Variants in CA10 observed in about 807,000 individuals in gnomAD.
CA10 encodes the protein carbonic anhydrase 10 (inactive).
Under a neutral mutation model 44.2 loss-of-function variants are expected in CA10, and 14 were observed. That is an observed-to-expected ratio of 0.32 (90% CI 0.21 to 0.50). CA10 has a LOEUF of 0.50. Among genes scored for constraint, CA10 ranks in the 20% least tolerant of loss-of-function variants. The pLI is 0.99. For synonymous variants in CA10, 159 were observed against 141.6 expected (o/e 1.12, Z -0.87); for missense variants, 350 against 409.7 (o/e 0.85, Z 1.26).
chr17:51,850,738 C>T (rs1294137814), intron 3 of CA10, among the ~76,000 whole-genome samples: 3 of 152,154 alleles, frequency 2.0e-5, no homozygotes, highest in Admixed American at 6.5e-5. Context: ...AGAACAGCGC[C>T]CAACACTTAG....
At chr17:51,644,806 T>C (rs1351177394) in intron 6 of CA10, among the ~76,000 whole-genome samples, 1 of 150,870 alleles carries the variant, frequency 6.6e-6, no homozygotes, top group East Asian at 1.9e-4. Context: ...TTGGCTTTTT[T>C]TTTTTTTTTT....
intron 3 of CA10, among the ~76,000 whole-genome samples, chr17:51,866,394 C>T (rs1598089375): frequency 6.6e-6 from 1 of 152,220 alleles, no homozygotes; most frequent in African/African-American, 2.4e-5. Context: ...CACTTTGTGG[C>T]TATTTTTCTT....
intron 2 of CA10, among the ~76,000 whole-genome samples, chr17:52,067,687 A>T (rs1987572985): frequency 1.3e-5 from 2 of 152,212 alleles, no homozygotes; most frequent in Admixed American, 1.3e-4. Context: ...GTACCTTGCA[A>T]AGCCACAGGG....
chr17:52,092,125 T>G (rs190667293), intron 1 of CA10, among the ~76,000 whole-genome samples: 155 of 152,298 alleles, frequency 1.0e-3, no homozygotes, highest in Non-Finnish European at 1.7e-3. Flanking sequence ...CTCCTTTGTC[T>G]GTTTCTCCCT....
intron 2 of CA10, among the ~76,000 whole-genome samples, chr17:51,994,525 G>A (rs1169236420): frequency 1.3e-5 from 2 of 152,022 alleles, no homozygotes; most frequent in African/African-American, 4.8e-5. Context: ...CTGTCTTTAG[G>A]AGAGGTAGGC....
intron 4 of CA10, among the ~76,000 whole-genome samples, chr17:51,737,275 G>C (rs1526187): frequency 0.21 from 32,359 of 152,018 alleles, 3,537 homozygotes; most frequent in East Asian, 0.35. Flanking sequence ...TTATTGTGAG[G>C]ACTGGGTGTG....
rs1915226430 is a variant in CA10, at chr17:51,692,337, TCTATCTACCTAC to T, written c.466-38613_466-38602del. On this transcript the variant is annotated intron_variant, in intron 4 of 8. Coordinates refer to ENST00000451037, the MANE Select transcript of CA10 (RefSeq NM_020178.5). ...CATATAGTAATGCTACAGTTTGTTT[TCTATCTACCTAC>T]CTATCTACCTATCCATCCTATCTAT... is the stretch of plus-strand genomic sequence containing the variant. Among the ~76,000 whole-genome samples, 6 of 151,084 alleles carry T rather than the reference TCTATCTACCTAC, an allele frequency of 4.0e-5. No homozygotes were observed. The South Asian group carries it at 1.3e-3, about 32-fold the overall frequency.
intron 1 of CA10, among the ~76,000 whole-genome samples, chr17:52,075,638 C>T (rs1019299576): frequency 4.6e-5 from 7 of 152,024 alleles, no homozygotes; most frequent in South Asian, 2.1e-4. Flanking sequence ...CATCTCTGTC[C>T]CCCTTTAGTT....
chr17:51,716,800 A>G (rs1377199906), intron 4 of CA10, among the ~76,000 whole-genome samples: 2 of 152,208 alleles, frequency 1.3e-5, no homozygotes, highest in African/African-American at 2.4e-5. Flanking sequence ...CTTAAGACCT[A>G]TTACTGAACA....
chr17:52,029,375 C>T (rs1218044041), intron 2 of CA10, among the ~76,000 whole-genome samples: 2 of 152,170 alleles, frequency 1.3e-5, no homozygotes, highest in African/African-American at 4.8e-5. Context: ...CTTTTGAGTG[C>T]TCTTCCTGAT....
At chr17:51,793,220 A>G (rs1006466140) in intron 3 of CA10, among the ~76,000 whole-genome samples, 2 of 152,212 alleles carry the variant, frequency 1.3e-5, no homozygotes, top group African/African-American at 4.8e-5. Context: ...AATGGGGAGA[A>G]TGCTGGGCTA....
intron 2 of CA10, among the ~76,000 whole-genome samples, chr17:52,022,521 C>A (rs1234898489): frequency 6.6e-6 from 1 of 151,834 alleles, no homozygotes; most frequent in Admixed American, 6.6e-5. Flanking sequence ...AAAGCTAGAA[C>A]AATTCCCCTA....
At chr17:52,017,070 T>C (rs1245610240) in intron 2 of CA10, among the ~76,000 whole-genome samples, 1 of 152,158 alleles carries the variant, frequency 6.6e-6, no homozygotes, top group Non-Finnish European at 1.5e-5. Flanking sequence ...AGATGCTTTC[T>C]GTACATTCCG....
At chr17:52,039,970 G>T (rs1377927133) in intron 2 of CA10, among the ~76,000 whole-genome samples, 1 of 152,026 alleles carries the variant, frequency 6.6e-6, no homozygotes, top group Non-Finnish European at 1.5e-5. Context: ...GTACAGAGAA[G>T]ATTCCAAAGG....
At chr17:51,829,206 A>G (rs1363882069) in intron 3 of CA10, among the ~76,000 whole-genome samples, 1 of 152,252 alleles carries the variant, frequency 6.6e-6, no homozygotes, top group African/African-American at 2.4e-5. Flanking sequence ...CCTAAGGGTA[A>G]CAGCTCAAAG....
At chr17:51,972,821 C>G (rs1984330470) in intron 2 of CA10, among the ~76,000 whole-genome samples, 1 of 151,054 alleles carries the variant, frequency 6.6e-6, no homozygotes. Context: ...GTAAGCAGTA[C>G]TAAAAGAATG....
intron 4 of CA10, among the ~76,000 whole-genome samples, chr17:51,702,417 G>T (rs925189823): frequency 2.0e-5 from 3 of 152,150 alleles, no homozygotes; most frequent in Non-Finnish European, 4.4e-5. Context: ...TGGCACACAA[G>T]ATAGCCAATA....
intron 3 of CA10, among the ~76,000 whole-genome samples, chr17:51,774,733 T>C (rs1030719046): frequency 2.0e-5 from 3 of 152,138 alleles, no homozygotes; most frequent in Non-Finnish European, 4.4e-5. Flanking sequence ...CGTGAGCTAC[T>C]GTGCCCAGCC....
intron 1 of CA10, among the ~76,000 whole-genome samples, chr17:52,074,489 GTCA>G (rs1987765527): frequency 6.6e-6 from 1 of 152,114 alleles, no homozygotes; most frequent in South Asian, 2.1e-4. Flanking sequence ...ATTACTGACT[GTCA>G]TCAAACAATT....
Sources: gnomAD v4.1 joint callset for allele counts (sites outside exome capture counted in the v4.1 genomes callset) on GRCh38, gnomAD v4.1.1 for gene constraint, MANE v1.5 for transcripts, NCBI Gene and HGNC (gene_info 2026-07-23, HGNC 2026-07-21) for gene names.